CHST9: variants seen among roughly 807,000 people sequenced by gnomAD.
CHST9 encodes carbohydrate sulfotransferase 9, also known as GalNAc-4-sulfotransferase 2.
CHST9 carries 41 observed loss-of-function variants against 44.4 expected under a neutral mutation model. That is an observed-to-expected ratio of 0.92 (90% CI 0.72 to 1.20). The LOEUF (loss-of-function observed/expected upper bound fraction) is 1.20. Ranked by LOEUF, CHST9 falls within the 50% of genes most tolerant of loss-of-function variation. CHST9 has a pLI of 0.00. For missense variants in CHST9, 504 were observed against 516.5 expected (o/e 0.98, Z 0.23); for synonymous variants, 171 against 178.4 (o/e 0.96, Z 0.33).
chr18:27,002,381 T>C (rs1440863411), intron 4 of CHST9, among the ~76,000 whole-genome samples: 2 of 152,182 alleles, frequency 1.3e-5, no homozygotes, highest in Admixed American at 6.5e-5. Flanking sequence ...AAATGCAATA[T>C]AGAAATGCAA....
chr18:26,979,054 T>C (rs2056660629), intron 4 of CHST9, among the ~76,000 whole-genome samples: 1 of 152,048 alleles, frequency 6.6e-6, no homozygotes, highest in Non-Finnish European at 1.5e-5. Context: ...GTGGCAGGTA[T>C]GTCGGGGCAC....
intron 3 of CHST9, 36 bp downstream of exon 3, chr18:27,048,429 G>C: frequency 6.5e-7 from 1 of 1,544,556 alleles, no homozygotes; most frequent in Non-Finnish European, 8.8e-7. Flanking sequence ...AATAAAATCA[G>C]GAAATAAAGC....
chr18:27,151,907 T>C (rs907759625), intron 1 of CHST9, among the ~76,000 whole-genome samples: 4 of 152,204 alleles, frequency 2.6e-5, no homozygotes, highest in Non-Finnish European at 5.9e-5. Flanking sequence ...TGATAATCTG[T>C]TATAGCAGCA....
At chr18:27,028,885 A>C (rs1208007819) in intron 3 of CHST9, among the ~76,000 whole-genome samples, 1 of 152,226 alleles carries the variant, frequency 6.6e-6, no homozygotes, top group African/African-American at 2.4e-5. Context: ...TACTTTAACT[A>C]TGTATGCATT....
rs372892346 is a variant in CHST9, at chr18:26,937,744, TAAGA to T, written c.240+6581_240+6584del. Among the ~76,000 whole-genome samples the T allele has an allele frequency of 3.3e-4, 51 of 152,290 alleles. No individual in the cohort carries two copies. The South Asian group carries it at 9.5e-3, about 29-fold the overall frequency. Reference sequence around the variant, plus strand: ...TTCGCAGGGTCACTGTTGTGAGGTTTAAGAGAGATAATTTAATGTAAAATTTAGC... The same window carrying T: ...TTCGCAGGGTCACTGTTGTGAGGTTTGAGATAATTTAATGTAAAATTTAGC... On this transcript the variant is annotated intron_variant, in intron 5 of 5. Coordinates refer to ENST00000618847, the MANE Select transcript of CHST9 (RefSeq NM_031422.6).
At chr18:26,927,404 G>A (rs1314471640) in intron 5 of CHST9, among the ~76,000 whole-genome samples, 5 of 151,960 alleles carry the variant, frequency 3.3e-5, no homozygotes, top group African/African-American at 7.3e-5. Flanking sequence ...CAGGGGATCC[G>A]CGCTCAGCAT....
intron 4 of CHST9, among the ~76,000 whole-genome samples, chr18:26,982,122 G>A (rs1203137737): frequency 6.6e-6 from 1 of 152,158 alleles, no homozygotes; most frequent in Admixed American, 6.5e-5. Context: ...GACCCATGAT[G>A]TAGTCTCTGC....
intron 2 of CHST9, among the ~76,000 whole-genome samples, chr18:27,105,177 A>C (rs2143763152): frequency 6.6e-6 from 1 of 152,256 alleles, no homozygotes; most frequent in East Asian, 1.9e-4. Context: ...TACTATAAAA[A>C]AAGATACATG....
At chr18:26,925,357 T>C (rs1322106515) in intron 5 of CHST9, among the ~76,000 whole-genome samples, 1 of 152,198 alleles carries the variant, frequency 6.6e-6, no homozygotes, top group Non-Finnish European at 1.5e-5. Context: ...GAAGAGTAGA[T>C]GCAGATAAGC....
rs1174187393 is a variant in CHST9 at position 26,961,105 on chromosome 18, TG to T, written c.203-16740del. ...TGAGGCATACAGATACTAACGTGCCTGGAATTGCAGCTGGGAGGTGATGAAC... is the reference window on the plus strand; with the variant it reads ...TGAGGCATACAGATACTAACGTGCCTGAATTGCAGCTGGGAGGTGATGAAC... On this transcript the variant is annotated intron_variant, in intron 4 of 5. Coordinates refer to ENST00000618847, the MANE Select transcript of CHST9 (RefSeq NM_031422.6). Among the ~76,000 whole-genome samples, 5 of 152,198 alleles carry T rather than the reference TG, an allele frequency of 3.3e-5. No individual in the cohort carries two copies. The South Asian group carries it at 8.3e-4, about 25-fold the overall frequency.
chr18:27,133,148 C>G (rs2058485888), intron 2 of CHST9, among the ~76,000 whole-genome samples: 1 of 152,168 alleles, frequency 6.6e-6, no homozygotes, highest in Non-Finnish European at 1.5e-5. Context: ...TACCTGCCAA[C>G]AGAACTAATG....
intron 5 of CHST9, among the ~76,000 whole-genome samples, chr18:26,928,088 TC>T (rs2055807110): frequency 6.6e-6 from 1 of 152,190 alleles, no homozygotes; most frequent in Admixed American, 6.5e-5. Flanking sequence ...AGCACTTGTT[TC>T]GGGGAGCACA....
At chr18:26,930,074 G>A (rs950831259) in intron 5 of CHST9, among the ~76,000 whole-genome samples, 5 of 152,210 alleles carry the variant, frequency 3.3e-5, no homozygotes, top group African/African-American at 1.2e-4. Flanking sequence ...GCACCTTTGA[G>A]TGAAACACAC....
intron 1 of CHST9, among the ~76,000 whole-genome samples, chr18:27,163,591 G>A (rs965137166): frequency 3.3e-5 from 5 of 152,180 alleles, no homozygotes; most frequent in East Asian, 1.9e-4. Flanking sequence ...GCGAGGCTCC[G>A]TGGGCGTAGG....
At chr18:27,146,118 G>C (rs571216505) in intron 1 of CHST9, among the ~76,000 whole-genome samples, 4 of 152,280 alleles carry the variant, frequency 2.6e-5, no homozygotes, top group African/African-American at 9.6e-5. Context: ...GTGGGAGTAA[G>C]AGCCAAAAGG....
intron 2 of CHST9, among the ~76,000 whole-genome samples, chr18:27,058,987 T>C (rs2057690630): frequency 3.9e-5 from 6 of 152,140 alleles, no homozygotes; most frequent in African/African-American, 2.4e-5. Context: ...AGGGCTCACC[T>C]AGATTCCTTC....
At chr18:27,102,849 G>A (rs768593050) in intron 2 of CHST9, among the ~76,000 whole-genome samples, 1 of 151,122 alleles carries the variant, frequency 6.6e-6, no homozygotes, top group Non-Finnish European at 1.5e-5. Context: ...GCCAAAGCTG[G>A]GATTCAACAC....
intron 2 of CHST9, among the ~76,000 whole-genome samples, chr18:27,126,976 G>A (rs16943308): frequency 0.087 from 13,212 of 152,220 alleles, 604 homozygotes; most frequent in East Asian, 0.14. Flanking sequence ...GAAGGAAGAG[G>A]AAACTGGAGG....
At chr18:27,065,884 TG>T (rs2057777185) in intron 2 of CHST9, among the ~76,000 whole-genome samples, 1 of 152,212 alleles carries the variant, frequency 6.6e-6, no homozygotes, top group South Asian at 2.1e-4. Flanking sequence ...CATGTGAGGG[TG>T]GCAAAAGTTT....
Sources: allele counts gnomAD v4.1 joint callset (sites outside exome capture counted in the v4.1 genomes callset), GRCh38; gene constraint gnomAD v4.1.1; transcripts MANE v1.5; gene names NCBI Gene and HGNC (gene_info 2026-07-23, HGNC 2026-07-21).